Variants in CHDH observed in about 807,000 individuals in gnomAD.
CHDH encodes the protein choline dehydrogenase, also known as choline dehydrogenase, mitochondrial.
A neutral mutation model predicts 56.9 loss-of-function variants in CHDH; 43 were observed. The observed-to-expected ratio is 0.76, with a 90% CI of 0.59 to 0.97. CHDH has a LOEUF of 0.97. Ranked by LOEUF, CHDH falls within the 50% of genes least tolerant of loss-of-function variation. The pLI, the probability that CHDH is intolerant of heterozygous loss-of-function variation, is 0.00. For synonymous variants in CHDH, 364 were observed against 348.5 expected, an observed-to-expected ratio of 1.04 and a Z score of -0.50; for missense variants, 816 against 821.1, an observed-to-expected ratio of 0.99 and a Z score of 0.08.
rs191022940 is a variant in CHDH, at chr3:53,814,251, T to G, written c.*3526A>C. 10 of 152,334 alleles carry G rather than the reference T, an allele frequency of 6.6e-5. No individual in the cohort carries two copies. In the East Asian group the frequency reaches 1.9e-3, roughly 29 times the overall value. The allele number at this position is 152,334 out of a possible 1,614,324, so 9.4% of individuals were successfully genotyped here. A position where few individuals can be genotyped will look rare whatever the true frequency, so the allele number is the denominator to read the frequency against. ...CCAATTGCATTTCCTAGAAAAGTTGTACTGTTTTGATAGGCAGCTGGCTGG... is the reference window on the plus strand; with the variant it reads ...CCAATTGCATTTCCTAGAAAAGTTGGACTGTTTTGATAGGCAGCTGGCTGG... On this transcript the variant is annotated 3_prime_UTR_variant, in exon 9 of 9. Coordinates refer to ENST00000315251, the MANE Select transcript of CHDH (RefSeq NM_018397.5).
At chr3:53,821,181 C>T (rs962404232) in intron 5 of CHDH, among the ~76,000 whole-genome samples, 5 of 152,208 alleles carry the variant, frequency 3.3e-5, no homozygotes, top group Admixed American at 6.5e-5. Context: ...AGACAGAGCC[C>T]GACCCTCAAG....
intron 1 of CHDH, among the ~76,000 whole-genome samples, chr3:53,843,476 C>T (rs1388826868): frequency 6.6e-6 from 1 of 151,954 alleles, no homozygotes; most frequent in African/African-American, 2.4e-5. Context: ...CTGTGCAGAC[C>T]CTAGGGTCTG....
At chr3:53,823,023 G>A (rs2095630782) in intron 3 of CHDH, among the ~76,000 whole-genome samples, 1 of 152,174 alleles carries the variant, frequency 6.6e-6, no homozygotes, top group African/African-American at 2.4e-5. Context: ...AGTCCCTAGA[G>A]GAGTTAGGCT....
chr3:53,817,723 G>T lies in CHDH; in HGVS notation c.*54C>A. On this transcript the variant is annotated 3_prime_UTR_variant, in exon 9 of 9. Coordinates refer to ENST00000315251, the MANE Select transcript of CHDH (RefSeq NM_018397.5). The stretch of plus-strand genomic sequence containing the variant: ...GGAGCCTGGGAGCAAGGGCTGTGCT[G>T]GCCCTCTTGGCTTATCAGGGGGCTT... The T allele has an allele frequency of 6.8e-7, 1 of 1,473,516 alleles. No homozygotes were observed. The highest frequency in any genetic ancestry group is 9.2e-7 in the Non-Finnish European group (1 of 1,088,494). The allele number at this position is 1,473,516 out of a possible 1,614,324, so 91.3% of individuals were successfully genotyped here.
In CHDH at chr3:53,824,113, A is replaced by G. The variant is rs185324882; in HGVS notation, c.-59-46T>C. On this transcript the variant is annotated intron_variant, in intron 2 of 8. Transcript: ENST00000315251. ...TTAAAAATCTTAACTCCGCATATCC[A>G]GGGTATGCTCACCAACGGCCTGCCG... The G allele has an allele frequency of 1.5e-4, 170 of 1,146,118 alleles. 1 individual carries two copies. Among genetic ancestry groups the G allele is most frequent in the Admixed American group, 8.7e-4 (26 of 29,860 alleles). 71.0% of individuals were successfully genotyped at this position (1,146,118 alleles called of 1,614,324 possible). A position where few individuals can be genotyped will look rare whatever the true frequency, so the allele number is the denominator to read the frequency against.
chr3:53,822,324 TCACCTC>T (rs2095628614), intron 4 of CHDH, among the ~76,000 whole-genome samples, 161 bp downstream of exon 4: 1 of 150,788 alleles, frequency 6.6e-6, no homozygotes, highest in Non-Finnish European at 1.5e-5. Context: ...AGGGGCTTCT[TCACCTC>T]CACCAGCCCA....
rs193129259 is a variant in CHDH at position 53,844,979 on chromosome 3, G to A, written c.-131+1104C>T. Among the ~76,000 whole-genome samples, 230 of 152,334 alleles carry A rather than the reference G, an allele frequency of 1.5e-3. 1 individual carries two copies. Among genetic ancestry groups the A allele is most frequent in the African/African-American group, 5.1e-3 (213 of 41,586 alleles). On this transcript the variant is annotated intron_variant, in intron 1 of 8. Coordinates refer to ENST00000315251, the MANE Select transcript of CHDH (RefSeq NM_018397.5). Reference sequence around the variant, plus strand: ...CTCACTGCACTCATCCTCACTCCAGGAGTACCCATCAGCCAGCACCCATGT... The same window carrying A: ...CTCACTGCACTCATCCTCACTCCAGAAGTACCCATCAGCCAGCACCCATGT...
At chr3:53,828,476 G>A (rs896552974) in intron 2 of CHDH, among the ~76,000 whole-genome samples, 1 of 152,158 alleles carries the variant, frequency 6.6e-6, no homozygotes, top group Non-Finnish European at 1.5e-5. Flanking sequence ...TCACAGACGA[G>A]AAGTAAATCT....
rs567510100 is a variant in CHDH, at chr3:53,816,233, G to C, written c.*1544C>G. The C allele has an allele frequency of 6.9e-6, 1 of 144,128 alleles. No homozygotes were observed. 8.9% of individuals were successfully genotyped at this position (144,128 alleles called of 1,614,324 possible). Reference sequence around the variant, plus strand: ...TCCTCCCGTCCTTATTCTGGGCCTAGTATAGCTGCAGGTTTCCACGCAACA... The same window carrying C: ...TCCTCCCGTCCTTATTCTGGGCCTACTATAGCTGCAGGTTTCCACGCAACA... On this transcript the variant is annotated 3_prime_UTR_variant, in exon 9 of 9. Transcript: ENST00000315251.
At chr3:53,830,149 A>G (rs1039373430) in intron 2 of CHDH, among the ~76,000 whole-genome samples, 1 of 152,140 alleles carries the variant, frequency 6.6e-6, no homozygotes, top group Non-Finnish European at 1.5e-5. Flanking sequence ...GTTTTCCCCA[A>G]ATTGATTTAT....
chr3:53,817,624 C>T lies in CHDH; in HGVS notation c.*153G>A, dbSNP rs1365955106. On this transcript the variant is annotated 3_prime_UTR_variant, in exon 9 of 9. Transcript: ENST00000315251. Reference sequence around the variant, plus strand: ...CACTGCCCAGTACTTGTCTCATTTCCCAAGACTTTATCCAATTCTCAGCCA... The same window carrying T: ...CACTGCCCAGTACTTGTCTCATTTCTCAAGACTTTATCCAATTCTCAGCCA... The T allele has an allele frequency of 8.3e-5, 54 of 647,886 alleles. No individual in the cohort carries two copies. The highest frequency in any genetic ancestry group is 1.3e-4 in the Non-Finnish European group (51 of 382,730). 40.1% of individuals were successfully genotyped at this position (647,886 alleles called of 1,614,324 possible).
intron 1 of CHDH, among the ~76,000 whole-genome samples, chr3:53,842,137 GAAAAAAGA>G (rs936246675): frequency 6.7e-6 from 1 of 148,258 alleles, no homozygotes; most frequent in Admixed American, 6.7e-5. Context: ...AAAAAAAAAA[GAAAAAAGA>G]AAAAAAGAAA....
Position 53,817,796 on chromosome 3 carries a change from G to T in CHDH, c.1766C>A (p.Thr589Lys). 6.2e-7 allele frequency: 1 copy of T among 1,608,886 alleles called. No individual in the cohort carries two copies. Among genetic ancestry groups the T allele is most frequent in the South Asian group, 1.1e-5 (1 of 90,210 alleles). The stretch of plus-strand genomic sequence containing the variant: ...ACTGTCTTAGCGCTGGGTGGCCAGC[G>T]TCCTGGGCTTGTAGACAGGGACATC... ...DKDVPVYKPR[T>K]LATQR Residue 589 changes from threonine (T) to lysine (K), a missense_variant, in exon 9 of 9, where the codon ACG becomes AAG. Thr to Lys is a moderately conservative substitution (Grantham distance 78, BLOSUM62 -1). Coordinates refer to ENST00000315251, the MANE Select transcript of CHDH (RefSeq NM_018397.5).
chr3:53,843,470 G>A (rs1698745253), intron 1 of CHDH, among the ~76,000 whole-genome samples: 1 of 152,048 alleles, frequency 6.6e-6, no homozygotes, highest in African/African-American at 2.4e-5. Context: ...CAGAGTCTGT[G>A]CAGACCCTAG....
Position 53,835,487 on chromosome 3 carries a change from CAT to C in CHDH, c.-60+5440_-60+5441del, listed in dbSNP as rs142018020. 7.8e-3 allele frequency among the ~76,000 whole-genome samples: 1,187 copies of C among 152,338 alleles called. 15 individuals carry two copies. Among genetic ancestry groups the C allele is most frequent in the African/African-American group, 0.026 (1,092 of 41,572 alleles). ...ACAGTCTTTTGGGGAAACTGCAAAA[CAT>C]GTGGTAAGGGCCATGGCCACCTGTG... On this transcript the variant is annotated intron_variant, in intron 2 of 8. Coordinates refer to ENST00000315251, the MANE Select transcript of CHDH (RefSeq NM_018397.5).
Position 53,820,494 on chromosome 3 carries a change from T to G in CHDH, c.1100A>C (p.Glu367Ala). The G allele has an allele frequency of 3.1e-6, 5 of 1,613,468 alleles. No individual in the cohort carries two copies. The highest frequency in any genetic ancestry group is 4.2e-6 in the Non-Finnish European group (5 of 1,179,624). The change falls in exon 6 of 9, where the codon GAG becomes GCG. Residue 367 changes from glutamate (E) to alanine (A), a missense_variant. Glu to Ala is a moderately radical substitution (Grantham distance 107). Transcript: ENST00000315251. Reference sequence around the variant, plus strand: ...CTCACCTGTGAATTTCCAGAGCCACTCCAGACCAATGCAGACCTTCCGCAG... The same window carrying G: ...CTCACCTGTGAATTTCCAGAGCCACGCCAGACCAATGCAGACCTTCCGCAG... ...KPLRKVCIGL[E>A]WLWKFTGEGA...
Position 53,813,841 on chromosome 3 carries a change from TG to T in CHDH, c.*3935del, listed in dbSNP as rs2095610865. On this transcript the variant is annotated 3_prime_UTR_variant, in exon 9 of 9. Transcript: ENST00000315251. The stretch of plus-strand genomic sequence containing the variant: ...TCCCCATCTGAAAAACACACATTTT[TG>T]TGTCCACAGGAATAACACATTTAGT... 6.6e-6 allele frequency: 1 copy of T among 152,266 alleles called. No homozygotes were observed. The highest frequency in any genetic ancestry group is 6.5e-5 in the Admixed American group (1 of 15,290). 9.4% of individuals were successfully genotyped at this position (152,266 alleles called of 1,614,324 possible).
chr3:53,821,902 C>A, intron 4 of CHDH, 126 bp from the exon 5 acceptor site: 3 of 1,230,934 alleles, frequency 2.4e-6, no homozygotes, highest in East Asian at 2.4e-5. Flanking sequence ...GTGGCACACC[C>A]GGGACAGGCC....
At position 53,846,344 on chromosome 3, in the gene CHDH, G is replaced by A. The variant is rs1448602961; in HGVS notation, c.-392C>T. 8 of 451,860 alleles carry A rather than the reference G, an allele frequency of 1.8e-5. No homozygotes were observed. The highest frequency in any genetic ancestry group is 1.7e-4 in the African/African-American group (8 of 47,992). The allele number at this position is 451,860 out of a possible 1,614,324, so 28.0% of individuals were successfully genotyped here. A position where few individuals can be genotyped will look rare whatever the true frequency, so the allele number is the denominator to read the frequency against. On this transcript the variant is annotated 5_prime_UTR_variant, in exon 1 of 9. Transcript: ENST00000315251. ...TCACTGCATGCACGTGTGCGCGGGG[G>A]TAGGCGCGCGCCGCGGCGGCCCGTG...
Sources: allele counts gnomAD v4.1 joint callset (sites outside exome capture counted in the v4.1 genomes callset), GRCh38; gene constraint gnomAD v4.1.1; transcripts MANE v1.5; gene names NCBI Gene and HGNC (gene_info 2026-07-23, HGNC 2026-07-21).